The following KCNMA1 variants were observed in gnomAD, a reference collection of about 807,000 sequenced individuals.
KCNMA1 encodes potassium calcium-activated channel subfamily M alpha 1.
Under a neutral mutation model 140.0 loss-of-function variants are expected in KCNMA1, and 29 were observed. That is an observed-to-expected ratio of 0.21 (90% CI 0.15 to 0.28). KCNMA1 has a LOEUF of 0.28. Among genes scored for constraint, KCNMA1 ranks in the 10% least tolerant of loss-of-function variants. KCNMA1 has a pLI of 1.00. For synonymous variants in KCNMA1, 612 were observed against 611.9 expected (o/e 1.00, Z 0.00); for missense variants, 880 against 1,602.2 (o/e 0.55, Z 7.70).
chr10:77,143,029 C>T lies in KCNMA1; in HGVS notation c.809-21981G>A, dbSNP rs535011705. 2.0e-5 allele frequency among the ~76,000 whole-genome samples: 3 copies of T among 152,234 alleles called. No homozygotes were observed. In the South Asian group the frequency reaches 6.2e-4, roughly 32 times the overall value. On this transcript the variant is annotated intron_variant, in intron 5 of 27. Coordinates refer to ENST00000286628, the MANE Select transcript of KCNMA1 (RefSeq NM_001161352.2). ...AAATAATACCAATATTACACAAACT[C>T]TTTCAGGGACTGGAGGAAAAGAGAA... is the stretch of plus-strand genomic sequence containing the variant.
intron 2 of KCNMA1, among the ~76,000 whole-genome samples, chr10:77,394,580 C>T (rs138140705): frequency 8.5e-5 from 13 of 152,178 alleles, no homozygotes; most frequent in Admixed American, 7.2e-4. Context: ...CCTGACCTTG[C>T]GAAGTGGAAA....
chr10:77,303,759 C>G (rs550914577), intron 2 of KCNMA1, among the ~76,000 whole-genome samples: 1 of 152,254 alleles, frequency 6.6e-6, no homozygotes, highest in Admixed American at 6.5e-5. Context: ...GGGCCACAGA[C>G]TTAAAGACTC....
At chr10:76,944,495 C>T (rs992410148) in intron 23 of KCNMA1, among the ~76,000 whole-genome samples, 1 of 152,180 alleles carries the variant, frequency 6.6e-6, no homozygotes, top group Non-Finnish European at 1.5e-5. Flanking sequence ...GGTCATGAAG[C>T]CACTCCTTGG....
chr10:76,891,293 G>A (rs1279476168), intron 26 of KCNMA1: 1 of 553,576 alleles, frequency 1.8e-6, no homozygotes, highest in Non-Finnish European at 3.2e-6. Flanking sequence ...CTTAGAAGGT[G>A]TGATACTAGA....
chr10:76,995,716 G>A (rs1326833153), intron 19 of KCNMA1: 7 of 469,480 alleles, frequency 1.5e-5, no homozygotes, highest in East Asian at 1.4e-4. Context: ...CCACTGTCCT[G>A]AAATAAAAAA....
intron 5 of KCNMA1, among the ~76,000 whole-genome samples, chr10:77,154,613 T>C (rs1378393789): frequency 6.6e-6 from 1 of 152,166 alleles, no homozygotes; most frequent in Non-Finnish European, 1.5e-5. Flanking sequence ...GTAGGTACCT[T>C]AATATGCAAT....
At chr10:77,615,191 G>A (rs1326701983) in intron 1 of KCNMA1, among the ~76,000 whole-genome samples, 1 of 152,202 alleles carries the variant, frequency 6.6e-6, no homozygotes, top group Non-Finnish European at 1.5e-5. Flanking sequence ...GGCTGGGTCT[G>A]GAGCCTGGCC....
intron 2 of KCNMA1, among the ~76,000 whole-genome samples, chr10:77,260,177 C>A (rs1035056883): frequency 1.3e-5 from 2 of 152,114 alleles, no homozygotes; most frequent in African/African-American, 4.8e-5. Context: ...CTGAGACACA[C>A]ACAGGGATAG....
chr10:77,589,867 T>C lies in KCNMA1; in HGVS notation c.378+47398A>G, dbSNP rs1221595158. On this transcript the variant is annotated intron_variant, in intron 1 of 27. Coordinates refer to ENST00000286628, the MANE Select transcript of KCNMA1 (RefSeq NM_001161352.2). Reference sequence around the variant, plus strand: ...TCCACAGTGTGGAAGGGGACCCGGGTTGCCACTGCTGGCTGCGGCAGCCTG... The same window carrying C: ...TCCACAGTGTGGAAGGGGACCCGGGCTGCCACTGCTGGCTGCGGCAGCCTG... Among the ~76,000 whole-genome samples the C allele has an allele frequency of 3.9e-5, 6 of 151,942 alleles. 1 individual carries two copies. Among genetic ancestry groups the C allele is most frequent in the African/African-American group, 1.5e-4 (6 of 41,374 alleles).
At chr10:77,061,233 A>G (rs567964891) in intron 14 of KCNMA1, among the ~76,000 whole-genome samples, 80 of 152,346 alleles carry the variant, frequency 5.3e-4, no homozygotes, top group African/African-American at 1.9e-3. Flanking sequence ...TAAGAAAATG[A>G]AAACACAAGC....
chr10:77,027,356 C>G (rs779682282), intron 16 of KCNMA1, among the ~76,000 whole-genome samples: 1 of 152,084 alleles, frequency 6.6e-6, no homozygotes, highest in Non-Finnish European at 1.5e-5. Flanking sequence ...TTGGTTGCAC[C>G]GGGAGAAGCA....
chr10:77,412,680 G>A (rs1168369957), intron 1 of KCNMA1, among the ~76,000 whole-genome samples: 1 of 152,212 alleles, frequency 6.6e-6, no homozygotes, highest in Non-Finnish European at 1.5e-5. Context: ...CCAAGGGAGG[G>A]CAGAGGAGGC....
intron 14 of KCNMA1, among the ~76,000 whole-genome samples, chr10:77,046,409 T>C (rs1409614405): frequency 6.6e-6 from 1 of 152,154 alleles, no homozygotes; most frequent in South Asian, 2.1e-4. Context: ...CCACAAAATG[T>C]GTCAAGTCCT....
chr10:77,480,325 T>A lies in KCNMA1; in HGVS notation c.379-76302A>T, dbSNP rs530680578. On this transcript the variant is annotated intron_variant, in intron 1 of 27. Transcript: ENST00000286628. ...GGATCCAGTTCCAGATTGTGACCTG[T>A]GGTTGAGTCTGGCACAGTGACCCAG... Among the ~76,000 whole-genome samples the A allele has an allele frequency of 7.2e-5, 11 of 152,236 alleles. No individual in the cohort carries two copies. The South Asian group carries it at 2.1e-3, about 29-fold the overall frequency.
intron 5 of KCNMA1, among the ~76,000 whole-genome samples, chr10:77,149,528 G>A (rs529222920): frequency 1.3e-5 from 2 of 152,340 alleles, no homozygotes; most frequent in South Asian, 4.1e-4. Context: ...ATGAGGAAAT[G>A]AATGCAAGAT....
intron 3 of KCNMA1, among the ~76,000 whole-genome samples, chr10:77,219,138 C>G (rs938500927): frequency 1.3e-5 from 2 of 152,186 alleles, no homozygotes; most frequent in African/African-American, 4.8e-5. Flanking sequence ...GCAGCCATGC[C>G]TCCAGAGCTT....
At chr10:76,938,591 A>G (rs1333876238) in intron 23 of KCNMA1, among the ~76,000 whole-genome samples, 2 of 152,012 alleles carry the variant, frequency 1.3e-5, no homozygotes, top group Non-Finnish European at 2.9e-5. Flanking sequence ...TTGCTTTGAA[A>G]CCTTCTGTAG....
chr10:77,007,930 C>A (rs1372653022), intron 18 of KCNMA1, among the ~76,000 whole-genome samples: 4 of 151,848 alleles, frequency 2.6e-5, no homozygotes, highest in African/African-American at 7.3e-5. Context: ...TAAGACAGTG[C>A]CCGAAGCTGG....
At chr10:77,245,767 C>G (rs988942789) in intron 3 of KCNMA1, among the ~76,000 whole-genome samples, 1 of 151,366 alleles carries the variant, frequency 6.6e-6, no homozygotes, top group Non-Finnish European at 1.5e-5. Flanking sequence ...ATAGGAAGGC[C>G]AAAGAGTCTT....
Sources: allele counts gnomAD v4.1 joint callset (sites outside exome capture counted in the v4.1 genomes callset), GRCh38; gene constraint gnomAD v4.1.1; transcripts MANE v1.5; gene names NCBI Gene and HGNC (gene_info 2026-07-23, HGNC 2026-07-21).